ARMC8: variants seen among roughly 807,000 people sequenced by gnomAD.
ARMC8 encodes armadillo repeat-containing protein 8.
Under a neutral mutation model 99.3 loss-of-function variants are expected in ARMC8, and 20 were observed. That is an observed-to-expected ratio of 0.20 (90% CI 0.14 to 0.29). The LOEUF (loss-of-function observed/expected upper bound fraction) is 0.29, where lower values mean the gene tolerates loss of function less well. Among genes scored for constraint, ARMC8 ranks in the 10% least tolerant of loss-of-function variants. ARMC8 has a pLI of 1.00. For synonymous variants in ARMC8, 263 were observed against 278.3 expected (o/e 0.95, Z 0.55); for missense variants, 569 against 809.5 (o/e 0.70, Z 3.60).
rs1189961289 is a variant in ARMC8 at position 138,297,285 on chromosome 3, T to C, written c.*1393T>C. ...GTTAGCCTTTCTGCACCCCTTAGCT[T>C]GGCCCCTGCTCCAACTTCTGGGTCA... On this transcript the variant is annotated 3_prime_UTR_variant, in exon 22 of 22. Coordinates refer to ENST00000469044, the MANE Select transcript of ARMC8 (RefSeq NM_001363941.2). The C allele has an allele frequency of 6.6e-6, 1 of 152,240 alleles. No homozygotes were observed. The highest frequency in any genetic ancestry group is 1.5e-5 in the Non-Finnish European group (1 of 68,048). The allele number at this position is 152,240 out of a possible 1,614,324, so 9.4% of individuals were successfully genotyped here. A position where few individuals can be genotyped will look rare whatever the true frequency, so the allele number is the denominator to read the frequency against.
intron 12 of ARMC8, 195 bp downstream of exon 12, chr3:138,245,378 G>A: frequency 7.0e-7 from 1 of 1,421,048 alleles, no homozygotes; most frequent in Non-Finnish European, 9.2e-7. Context: ...ACATAGAGTG[G>A]CATGGCCGTG....
At chr3:138,201,418 C>G (rs1161782293) in intron 1 of ARMC8, among the ~76,000 whole-genome samples, 4 of 130,944 alleles carry the variant, frequency 3.1e-5, no homozygotes, top group Non-Finnish European at 6.3e-5. Flanking sequence ...ACCTAGAGTC[C>G]TTGTCTTCTT....
At chr3:138,248,097 G>C (rs909902622) in intron 12 of ARMC8, among the ~76,000 whole-genome samples, 2 of 152,172 alleles carry the variant, frequency 1.3e-5, no homozygotes, top group Non-Finnish European at 2.9e-5. Context: ...CTGTCAGCTA[G>C]AGTGAAGGAG....
At chr3:138,238,366 C>T (rs570097560) in intron 9 of ARMC8, 1 of 152,350 alleles carries the variant, frequency 6.6e-6, no homozygotes, top group East Asian at 1.9e-4. Context: ...TGCCCAGCTG[C>T]AGAGTTTTTA....
At chr3:138,198,492 C>CTTT (rs2043863288) in intron 1 of ARMC8, among the ~76,000 whole-genome samples, 1 of 110,318 alleles carries the variant, frequency 9.1e-6, no homozygotes. Context: ...ATTGTATATT[C>CTTT]TTTATTATTA....
intron 6 of ARMC8, among the ~76,000 whole-genome samples, chr3:138,231,101 G>T (rs995648490): frequency 6.6e-6 from 1 of 152,166 alleles, no homozygotes; most frequent in African/African-American, 2.4e-5. Context: ...TAAATATTCT[G>T]AGACATAGCT....
At chr3:138,271,625 G>A (rs1056562460) in intron 16 of ARMC8, among the ~76,000 whole-genome samples, 12 of 152,078 alleles carry the variant, frequency 7.9e-5, no homozygotes, top group Admixed American at 5.9e-4. Flanking sequence ...AAACCTTAGA[G>A]TCATCTCTGA....
At chr3:138,197,563 A>C (rs947930679) in intron 1 of ARMC8, among the ~76,000 whole-genome samples, 4 of 152,252 alleles carry the variant, frequency 2.6e-5, no homozygotes, top group Non-Finnish European at 5.9e-5. Flanking sequence ...GCATTTAAAT[A>C]CATCCTAGTG....
chr3:138,233,553 AAG>A (rs201757507), intron 6 of ARMC8, among the ~76,000 whole-genome samples: 3,224 of 152,296 alleles, frequency 0.021, 104 homozygotes, highest in African/African-American at 0.071. Context: ...TATATGGAAA[AAG>A]AGAGAAATTG....
chr3:138,190,273 T>C (rs893756174), intron 1 of ARMC8, among the ~76,000 whole-genome samples: 5 of 150,708 alleles, frequency 3.3e-5, no homozygotes, highest in African/African-American at 1.2e-4. Flanking sequence ...GATTCTTTAT[T>C]TTCTTATCTT....
At chr3:138,225,681 A>G (rs1033307147) in intron 5 of ARMC8, among the ~76,000 whole-genome samples, 2 of 152,112 alleles carry the variant, frequency 1.3e-5, no homozygotes, top group African/African-American at 4.8e-5. Context: ...CTATGCTATC[A>G]TTTTTCATTC....
chr3:138,278,129 A>G (rs1173425001), intron 18 of ARMC8, among the ~76,000 whole-genome samples: 1 of 152,228 alleles, frequency 6.6e-6, no homozygotes, highest in Non-Finnish European at 1.5e-5. Flanking sequence ...CTATAAAGGG[A>G]TAGCACAGGA....
intron 2 of ARMC8, among the ~76,000 whole-genome samples, chr3:138,221,526 T>C (rs2045393056): frequency 6.6e-6 from 1 of 152,072 alleles, no homozygotes; most frequent in Non-Finnish European, 1.5e-5. Context: ...GTGAACAAAG[T>C]GTGATCATTG....
intron 5 of ARMC8, among the ~76,000 whole-genome samples, chr3:138,224,974 T>C (rs566167752): frequency 1.3e-5 from 2 of 152,204 alleles, no homozygotes; most frequent in East Asian, 3.9e-4. Flanking sequence ...TCAGCTGACT[T>C]TCGGTTGAAA....
At chr3:138,198,280 A>G (rs2043851920) in intron 1 of ARMC8, among the ~76,000 whole-genome samples, 1 of 152,090 alleles carries the variant, frequency 6.6e-6, no homozygotes, top group African/African-American at 2.4e-5. Context: ...ATGAAAAAAG[A>G]AACTCCCTCT....
rs371910795 is a variant in ARMC8 at position 138,187,649 on chromosome 3, C to G, written c.45+50C>G. ...GCCCGCCCTCCAGGAAGCCTCATCC[C>G]GGTCTCCACCATTCCCCCAAGCGTG... On this transcript the variant is annotated intron_variant, in intron 1 of 21. Transcript: ENST00000469044. 30 of 1,525,578 alleles carry G rather than the reference C, an allele frequency of 2.0e-5. No individual in the cohort carries two copies. In the East Asian group the frequency reaches 3.7e-4, roughly 19 times the overall value. 94.5% of individuals were successfully genotyped at this position (1,525,578 alleles called of 1,614,324 possible).
intron 1 of ARMC8, among the ~76,000 whole-genome samples, chr3:138,195,701 A>G (rs2043690910): frequency 6.6e-6 from 1 of 152,154 alleles, no homozygotes; most frequent in Non-Finnish European, 1.5e-5. Context: ...ATGAAAAAAA[A>G]CAAAGCTCCT....
Position 138,282,070 on chromosome 3 carries a change from C to T in ARMC8, c.1726-2361C>T, listed in dbSNP as rs574234159. On this transcript the variant is annotated intron_variant, in intron 18 of 21. Transcript: ENST00000469044. ...TGCTGCCCCCGCTCCTACTTCTCAG[C>T]CAGGTTTTACCTGTGTTCCCTAGAT... Among the ~76,000 whole-genome samples, 3 of 152,302 alleles carry T rather than the reference C, an allele frequency of 2.0e-5. No homozygotes were observed. The East Asian group carries it at 5.8e-4, about 29-fold the overall frequency.
chr3:138,242,100 T>C, intron 11 of ARMC8, 117 bp downstream of exon 11: 1 of 771,298 alleles, frequency 1.3e-6, no homozygotes, highest in Non-Finnish European at 2.1e-6. Flanking sequence ...ATAAAGGTTC[T>C]TTTATCTTTG....
Sources: allele counts gnomAD v4.1 joint callset (sites outside exome capture counted in the v4.1 genomes callset), GRCh38; gene constraint gnomAD v4.1.1; transcripts MANE v1.5; gene names NCBI Gene and HGNC (gene_info 2026-07-23, HGNC 2026-07-21).